Variants in CBX5 observed in about 807,000 individuals in gnomAD.
The protein encoded by CBX5 is chromobox 5.
A neutral mutation model predicts 20.7 loss-of-function variants in CBX5; 7 were observed. That is an observed-to-expected ratio of 0.34 (90% CI 0.19 to 0.63). The LOEUF (loss-of-function observed/expected upper bound fraction) is 0.63. Among genes scored for constraint, CBX5 ranks in the 30% least tolerant of loss-of-function variants. The probability of loss-of-function intolerance (pLI) is 0.75; values close to 1 mark genes in which losing one functional copy is unlikely to be tolerated. For synonymous variants in CBX5, 78 were observed against 77.0 expected, an observed-to-expected ratio of 1.01 and a Z score of -0.07; for missense variants, 110 against 224.1, an observed-to-expected ratio of 0.49 and a Z score of 3.25.
chr12:54,275,975 A>G (rs1232163117), intron 1 of CBX5, among the ~76,000 whole-genome samples: 1 of 132,306 alleles, frequency 7.6e-6, no homozygotes, highest in Non-Finnish European at 1.5e-5. Flanking sequence ...GGGCAACAAG[A>G]GCGAGACTCC....
intron 1 of CBX5, among the ~76,000 whole-genome samples, chr12:54,274,897 G>A (rs1592165604): frequency 6.6e-6 from 1 of 152,052 alleles, no homozygotes; most frequent in East Asian, 1.9e-4. Context: ...CCGAGATCAC[G>A]CCACTGCACT....
chr12:54,244,036 CT>C (rs1943707302), intron 4 of CBX5, among the ~76,000 whole-genome samples: 1 of 149,550 alleles, frequency 6.7e-6, no homozygotes, highest in Non-Finnish European at 1.5e-5. Flanking sequence ...GAGTCTCGCT[CT>C]GTTGCCCAGG....
rs1320884684 is a variant in CBX5 at position 54,233,396 on chromosome 12, C to A, written c.*8359G>T. ...GGTGAGGGGTGAGGGTGACACGAGA[C>A]AAACACCAAACTCACCACCAGCCCT... On this transcript the variant is annotated 3_prime_UTR_variant, in exon 5 of 5. Coordinates refer to ENST00000209875, the MANE Select transcript of CBX5 (RefSeq NM_012117.3). 1 of 152,170 alleles carries A rather than the reference C, an allele frequency of 6.6e-6. No homozygotes were observed. Among genetic ancestry groups the A allele is most frequent in the Admixed American group, 6.5e-5 (1 of 15,270 alleles). The allele number at this position is 152,170 out of a possible 1,614,324, so 9.4% of individuals were successfully genotyped here. A position where few individuals can be genotyped will look rare whatever the true frequency, so the allele number is the denominator to read the frequency against.
chr12:54,267,449 C>T (rs982690878), intron 1 of CBX5, among the ~76,000 whole-genome samples: 19 of 152,088 alleles, frequency 1.2e-4, no homozygotes, highest in Non-Finnish European at 2.6e-4. Context: ...ACAAAGGCTC[C>T]TTCAGGTCAT....
At chr12:54,257,476 T>C (rs1943871699) in intron 2 of CBX5, 38 bp downstream of exon 2, 1 of 1,611,596 alleles carries the variant, frequency 6.2e-7, no homozygotes, top group Non-Finnish European at 8.5e-7. Context: ...TATCTATCTC[T>C]ACAGAGTCCC....
rs971240574 is a variant in CBX5 at position 54,245,788 on chromosome 12, A to AAAAT, written c.425+323_425+326dup. Among the ~76,000 whole-genome samples the AAAAT allele has an allele frequency of 5.2e-4, 79 of 151,976 alleles. 1 individual carries two copies. The highest frequency in any genetic ancestry group is 1.9e-3 in the South Asian group (9 of 4,822). ...CTGGGCAACAAGAGACTTTGTCTCAAAAATAAATAAATAAATAAATAAATA... is the reference window on the plus strand; with the variant it reads ...CTGGGCAACAAGAGACTTTGTCTCAAAAATAAATAAATAAATAAATAAATAAATA... On this transcript the variant is annotated intron_variant, in intron 4 of 4. Coordinates refer to ENST00000209875, the MANE Select transcript of CBX5 (RefSeq NM_012117.3).
At chr12:54,261,335 T>C (rs533279429) in intron 1 of CBX5, among the ~76,000 whole-genome samples, 9 of 151,816 alleles carry the variant, frequency 5.9e-5, no homozygotes, top group Non-Finnish European at 1.2e-4. Flanking sequence ...TCTCGCTCTG[T>C]CACCAGGCTA....
chr12:54,263,762 CAAAAAAAAAAAA>C (rs66591051), intron 1 of CBX5, among the ~76,000 whole-genome samples: 1 of 37,886 alleles, frequency 2.6e-5, no homozygotes, highest in Non-Finnish European at 5.1e-5. Context: ...GACTCTATCT[CAAAAAAAAAAAA>C]AAAAAAAAAG....
At chr12:54,250,209 G>A (rs1943779903) in intron 3 of CBX5, among the ~76,000 whole-genome samples, 1 of 151,854 alleles carries the variant, frequency 6.6e-6, no homozygotes, top group Admixed American at 6.6e-5. Context: ...GGCAACAAGA[G>A]TGAAACTCCG....
intron 1 of CBX5, among the ~76,000 whole-genome samples, chr12:54,279,718 G>A (rs989536932): frequency 1.3e-5 from 2 of 152,172 alleles, no homozygotes; most frequent in African/African-American, 4.8e-5. Flanking sequence ...CTGCTCAGAA[G>A]GGGAAAACCC....
intron 1 of CBX5, among the ~76,000 whole-genome samples, chr12:54,266,489 T>C (rs995642785): frequency 6.6e-6 from 1 of 152,218 alleles, no homozygotes; most frequent in Non-Finnish European, 1.5e-5. Context: ...TTTGGGAGGT[T>C]GAGGCAGGAG....
chr12:54,238,887 T>C lies in CBX5; in HGVS notation c.*2868A>G, dbSNP rs1308654877. ...CACAAGAAAAATAAATTTTTAGCATTTGAGACTTAGGTGTTTAAGAGTGCT... is the reference window on the plus strand; with the variant it reads ...CACAAGAAAAATAAATTTTTAGCATCTGAGACTTAGGTGTTTAAGAGTGCT... On this transcript the variant is annotated 3_prime_UTR_variant, in exon 5 of 5. Transcript: ENST00000209875. The C allele has an allele frequency of 2.6e-5, 4 of 152,250 alleles. No individual in the cohort carries two copies. Among genetic ancestry groups the C allele is most frequent in the Non-Finnish European group, 4.4e-5 (3 of 68,048 alleles). The allele number at this position is 152,250 out of a possible 1,614,324, so 9.4% of individuals were successfully genotyped here.
intron 3 of CBX5, among the ~76,000 whole-genome samples, chr12:54,247,169 T>C (rs1190446096): frequency 1.3e-5 from 2 of 152,118 alleles, no homozygotes; most frequent in African/African-American, 4.8e-5. Context: ...GGTCAGTGCC[T>C]ATCCCCTCTG....
intron 1 of CBX5, among the ~76,000 whole-genome samples, chr12:54,269,796 G>T (rs976809617): frequency 4.6e-5 from 7 of 152,122 alleles, no homozygotes; most frequent in African/African-American, 1.7e-4. Flanking sequence ...CTGTAGAGAG[G>T]TCTCATTATG....
In CBX5 at chr12:54,238,552, T is replaced by G. The variant is rs1198213337; in HGVS notation, c.*3203A>C. On this transcript the variant is annotated 3_prime_UTR_variant, in exon 5 of 5. Transcript: ENST00000209875. The stretch of plus-strand genomic sequence containing the variant: ...AGCATGAAGATAGTATGTTCCAATT[T>G]TAAATAAAAATTATATTGTCTGAAA... 6.6e-6 allele frequency: 1 copy of G among 152,168 alleles called. No homozygotes were observed. The highest frequency in any genetic ancestry group is 1.5e-5 in the Non-Finnish European group (1 of 68,042). 9.4% of individuals were successfully genotyped at this position (152,168 alleles called of 1,614,324 possible).
Position 54,241,480 on chromosome 12 carries a change from G to C in CBX5, c.*275C>G. 3.1e-6 allele frequency: 1 copy of C among 320,144 alleles called. No homozygotes were observed. The allele number at this position is 320,144 out of a possible 1,614,324, so 19.8% of individuals were successfully genotyped here. A position where few individuals can be genotyped will look rare whatever the true frequency, so the allele number is the denominator to read the frequency against. On this transcript the variant is annotated 3_prime_UTR_variant, in exon 5 of 5. Coordinates refer to ENST00000209875, the MANE Select transcript of CBX5 (RefSeq NM_012117.3). ...TTGAAACTCATCTTGAGGTCACAGG[G>C]AAGCAGAAGGAAGAGATCAGGGCAA...
At chr12:54,267,758 G>A (rs900560684) in intron 1 of CBX5, among the ~76,000 whole-genome samples, 1 of 152,138 alleles carries the variant, frequency 6.6e-6, no homozygotes, top group Non-Finnish European at 1.5e-5. Context: ...CTCGTGTTGT[G>A]ATCCACTCAC....
chr12:54,242,280 C>G (rs2137009409), intron 4 of CBX5, among the ~76,000 whole-genome samples: 1 of 152,262 alleles, frequency 6.6e-6, no homozygotes, highest in Non-Finnish European at 1.5e-5. Context: ...AATCCCAGCA[C>G]TTTGGGAGGC....
At chr12:54,257,882 C>A (rs1442706513) in intron 1 of CBX5, among the ~76,000 whole-genome samples, 190 bp from the exon 2 acceptor site, 1 of 152,194 alleles carries the variant, frequency 6.6e-6, no homozygotes, top group African/African-American at 2.4e-5. Context: ...TCAACTACAA[C>A]CTCCTCTTCG....
Sources: gnomAD v4.1 joint callset for allele counts (sites outside exome capture counted in the v4.1 genomes callset) on GRCh38, gnomAD v4.1.1 for gene constraint, MANE v1.5 for transcripts, NCBI Gene and HGNC (gene_info 2026-07-23, HGNC 2026-07-21) for gene names.